ACSF3: variants seen among roughly 807,000 people sequenced by gnomAD.
ACSF3 encodes the protein acyl-CoA synthetase family member 3.
ACSF3 carries 78 observed loss-of-function variants against 53.2 expected under a neutral mutation model. The observed-to-expected ratio is 1.47, with a 90% CI of 1.22 to 1.77. The LOEUF (loss-of-function observed/expected upper bound fraction) is 1.77. ACSF3 is among the 40% of genes most tolerant of loss of function. The pLI is 0.00. For synonymous variants in ACSF3, 414 were observed against 333.1 expected (o/e 1.24, Z -2.65); for missense variants, 937 against 771.1 (o/e 1.22, Z -2.55).
chr16:89,101,198 G>A lies in ACSF3; in HGVS notation c.517G>A (p.Ala173Thr), dbSNP rs753579434. ...GGTCCCGCTGCTGCCGCTCACACCA[G>A]CCATCTACACTGGAGCAGTAGAGGA... ...LGVPLLPLTP[A>T]IYTGAVEEPA... is the part of the protein sequence containing the mutation. The change falls in exon 3 of 11, where the codon GCC becomes ACC. Residue 173 changes from alanine (A) to threonine (T), a missense_variant. Coordinates refer to ENST00000614302, the MANE Select transcript of ACSF3 (RefSeq NM_001243279.3). The A allele has an allele frequency of 1.2e-6, 2 of 1,608,044 alleles. No individual in the cohort carries two copies. Among genetic ancestry groups the A allele is most frequent in the Non-Finnish European group, 1.7e-6 (2 of 1,177,456 alleles).
At chr16:89,115,448 C>T (rs931272781) in intron 6 of ACSF3, among the ~76,000 whole-genome samples, 2 of 152,220 alleles carry the variant, frequency 1.3e-5, no homozygotes, top group East Asian at 1.9e-4. Context: ...TGCTTCCGCC[C>T]GGCTTCCGCC....
chr16:89,134,279 T>C (rs1331021162), intron 8 of ACSF3, among the ~76,000 whole-genome samples: 1 of 152,142 alleles, frequency 6.6e-6, no homozygotes, highest in Non-Finnish European at 1.5e-5. Flanking sequence ...GCGGTAAGTG[T>C]TATAGCTCTA....
intron 4 of ACSF3, among the ~76,000 whole-genome samples, chr16:89,110,930 C>T (rs1976606887): frequency 6.6e-6 from 1 of 152,212 alleles, no homozygotes; most frequent in Non-Finnish European, 1.5e-5. Flanking sequence ...CTAGATCACC[C>T]CCGTTGACTG....
chr16:89,115,691 C>T (rs965826523), intron 6 of ACSF3, among the ~76,000 whole-genome samples: 28 of 152,240 alleles, frequency 1.8e-4, no homozygotes, highest in Admixed American at 1.6e-3. Context: ...TTCTCCAGAG[C>T]GGCTACACCA....
At chr16:89,134,640 CG>C (rs1386687462) in intron 8 of ACSF3, among the ~76,000 whole-genome samples, 1 of 152,304 alleles carries the variant, frequency 6.6e-6, no homozygotes, top group East Asian at 1.9e-4. Context: ...AGAGGGCAGC[CG>C]TTGCCAGGTT....
In ACSF3 at chr16:89,132,049, C is replaced by T. The variant is rs530276319; in HGVS notation, c.1240-1087C>T. ...CCCCTCCTGGAGGAGCCCAGGCTGGCGGGTTGGCAGCAGGACGACACACTC... is the reference window on the plus strand; with the variant it reads ...CCCCTCCTGGAGGAGCCCAGGCTGGTGGGTTGGCAGCAGGACGACACACTC... On this transcript the variant is annotated intron_variant, in intron 7 of 10. Transcript: ENST00000614302. Among the ~76,000 whole-genome samples, 10 of 152,360 alleles carry T rather than the reference C, an allele frequency of 6.6e-5. 1 individual carries two copies. The highest frequency in any genetic ancestry group is 5.9e-4 in the Admixed American group (9 of 15,312).
At chr16:89,130,391 T>C (rs1909034687) in intron 7 of ACSF3, among the ~76,000 whole-genome samples, 1 of 152,094 alleles carries the variant, frequency 6.6e-6, no homozygotes, top group Non-Finnish European at 1.5e-5. Context: ...CTGGCCAACA[T>C]GGGGAAACCC....
At position 89,155,204 on chromosome 16, in the gene ACSF3, C is replaced by G; in HGVS notation, c.*997C>G. 1 of 454,172 alleles carries G rather than the reference C, an allele frequency of 2.2e-6. No homozygotes were observed. Among genetic ancestry groups the G allele is most frequent in the Non-Finnish European group, 4.4e-6 (1 of 226,806 alleles). 28.1% of individuals were successfully genotyped at this position (454,172 alleles called of 1,614,324 possible). ...GACAATTTTCAGAAGAATAGGCTGC[C>G]TCCTCCCCACAGCCTGGGGGAAGTA... is the stretch of plus-strand genomic sequence containing the variant. On this transcript the variant is annotated 3_prime_UTR_variant, in exon 11 of 11. Coordinates refer to ENST00000614302, the MANE Select transcript of ACSF3 (RefSeq NM_001243279.3).
chr16:89,105,089 C>T (rs1462684440), intron 4 of ACSF3, among the ~76,000 whole-genome samples: 1 of 151,402 alleles, frequency 6.6e-6, no homozygotes, highest in Admixed American at 6.6e-5. Flanking sequence ...AGGGCCCCGT[C>T]GCCAGGGTCA....
At chr16:89,109,722 G>A (rs1424278290) in intron 4 of ACSF3, among the ~76,000 whole-genome samples, 1 of 152,106 alleles carries the variant, frequency 6.6e-6, no homozygotes, top group Non-Finnish European at 1.5e-5. Context: ...CAGATGTTGA[G>A]CATTTTTTGT....
intron 10 of ACSF3, chr16:89,153,678 C>T (rs1297620277): frequency 6.3e-6 from 2 of 316,706 alleles, no homozygotes; most frequent in African/African-American, 4.3e-5. Flanking sequence ...ACTCCCCAGC[C>T]TCTTCCGCAC....
intron 10 of ACSF3, chr16:89,147,822 C>T (rs189801982): frequency 6.6e-6 from 1 of 152,308 alleles, no homozygotes; most frequent in Admixed American, 6.5e-5. Context: ...AAAATACAAT[C>T]CTACTTCCCA....
chr16:89,098,828 C>G, intron 2 of ACSF3, 65 bp downstream of exon 2: 1 of 453,726 alleles, frequency 2.2e-6, no homozygotes, highest in South Asian at 1.6e-5. Context: ...TGTTTGTTTA[C>G]TGAACAGAGT....
At chr16:89,141,297 T>C (rs1911710598) in intron 8 of ACSF3, 1 of 1,287,000 alleles carries the variant, frequency 7.8e-7, no homozygotes, top group Non-Finnish European at 1.0e-6. Flanking sequence ...CGCTGAGTAG[T>C]CTGGGAATGG....
intron 6 of ACSF3, among the ~76,000 whole-genome samples, chr16:89,117,297 A>G (rs1905289227): frequency 6.6e-6 from 1 of 152,202 alleles, no homozygotes; most frequent in Non-Finnish European, 1.5e-5. Flanking sequence ...GCACTCACAT[A>G]CAAGAACCCA....
intron 4 of ACSF3, among the ~76,000 whole-genome samples, chr16:89,103,971 C>G (rs1451255862): frequency 6.6e-6 from 1 of 152,204 alleles, no homozygotes; most frequent in Non-Finnish European, 1.5e-5. Context: ...GAGGCGGGAC[C>G]CTGTGCACAG....
intron 2 of ACSF3, among the ~76,000 whole-genome samples, chr16:89,100,353 T>G (rs1195876077): frequency 2.0e-5 from 3 of 152,260 alleles, no homozygotes; most frequent in Non-Finnish European, 4.4e-5. Context: ...AGATGTACCT[T>G]AAGTGTGTTG....
rs894941370 is a variant in ACSF3, at chr16:89,093,915, C to T, written c.-275C>T. The T allele has an allele frequency of 3.4e-5, 11 of 328,092 alleles. No homozygotes were observed. The highest frequency in any genetic ancestry group is 2.9e-4 in the Admixed American group (9 of 31,340). 20.3% of individuals were successfully genotyped at this position (328,092 alleles called of 1,614,324 possible). On this transcript the variant is annotated 5_prime_UTR_variant, in exon 1 of 11. Transcript: ENST00000614302. Reference sequence around the variant, plus strand: ...CGCGGGACCCGGCCGGAACCCGGCCCGACCCCGGCGCGCGCGCGGCGGAGG... The same window carrying T: ...CGCGGGACCCGGCCGGAACCCGGCCTGACCCCGGCGCGCGCGCGGCGGAGG...
rs574433026 is a variant in ACSF3 at position 89,145,701 on chromosome 16, C to T, written c.1502-237C>T. Among the ~76,000 whole-genome samples, 90 of 152,308 alleles carry T rather than the reference C, an allele frequency of 5.9e-4. 2 individuals carry two copies. The highest frequency in any genetic ancestry group is 3.7e-3 in the South Asian group (18 of 4,828). On this transcript the variant is annotated intron_variant, in intron 9 of 10. Coordinates refer to ENST00000614302, the MANE Select transcript of ACSF3 (RefSeq NM_001243279.3). ...AGGGAGAGTGCAGAGAGCCAAGGGG[C>T]GGGAAGGCAGAGCCCCTGTGAGTGC...
Sources: gnomAD v4.1 joint callset for allele counts (sites outside exome capture counted in the v4.1 genomes callset) on GRCh38, gnomAD v4.1.1 for gene constraint, MANE v1.5 for transcripts, NCBI Gene and HGNC (gene_info 2026-07-23, HGNC 2026-07-21) for gene names.